Variants in SH3RF2 observed in about 807,000 individuals in gnomAD.
SH3RF2 encodes the protein SH3 domain containing ring finger 2, also known as E3 ubiquitin-protein ligase SH3RF2.
Under a neutral mutation model 59.0 loss-of-function variants are expected in SH3RF2, and 43 were observed. The ratio of observed to expected loss-of-function variants is 0.73; its 90% CI spans 0.57 to 0.94. The LOEUF (loss-of-function observed/expected upper bound fraction) is 0.94. Ranked by LOEUF, SH3RF2 falls within the 40% of genes least tolerant of loss-of-function variation. The probability of loss-of-function intolerance (pLI) is 0.00; values close to 1 mark genes in which losing one functional copy is unlikely to be tolerated. For synonymous variants in SH3RF2, 391 were observed against 391.5 expected (o/e 1.00, Z 0.01); for missense variants, 930 against 940.1 (o/e 0.99, Z 0.14).
chr5:146,069,982 G>GAAAA (rs11430700), intron 9 of SH3RF2, among the ~76,000 whole-genome samples: 3 of 143,284 alleles, frequency 2.1e-5, no homozygotes, highest in Non-Finnish European at 3.0e-5. Flanking sequence ...AATGGAAACT[G>GAAAA]AAAAAAAAAA....
chr5:145,996,770 TAAGAA>T (rs1206959892), intron 2 of SH3RF2, among the ~76,000 whole-genome samples: 1 of 152,190 alleles, frequency 6.6e-6, no homozygotes, highest in Non-Finnish European at 1.5e-5. Flanking sequence ...GGGTAGTGAT[TAAGAA>T]AAGGGGTTCC....
intron 2 of SH3RF2, among the ~76,000 whole-genome samples, chr5:145,977,431 G>A (rs1481525839): frequency 6.6e-6 from 1 of 152,220 alleles, no homozygotes; most frequent in East Asian, 1.9e-4. Flanking sequence ...ACAGTTCTAG[G>A]GGCTTTACAT....
intron 2 of SH3RF2, among the ~76,000 whole-genome samples, chr5:145,986,693 G>C (rs941612379): frequency 6.6e-6 from 1 of 152,132 alleles, no homozygotes; most frequent in Non-Finnish European, 1.5e-5. Flanking sequence ...TATTTATTGA[G>C]AACCAGCTTA....
intron 2 of SH3RF2, among the ~76,000 whole-genome samples, chr5:145,943,649 G>A (rs558455510): frequency 1.3e-5 from 2 of 152,216 alleles, no homozygotes; most frequent in East Asian, 1.9e-4. Context: ...CCCTGCAGTG[G>A]GTTCCTCCGT....
intron 2 of SH3RF2, among the ~76,000 whole-genome samples, chr5:145,956,069 C>T (rs964655867): frequency 1.3e-5 from 2 of 151,954 alleles, no homozygotes; most frequent in South Asian, 2.1e-4. Context: ...AGCTGAGGAC[C>T]CTGTTAAAAA....
intron 5 of SH3RF2, among the ~76,000 whole-genome samples, chr5:146,025,379 C>T (rs1043342832): frequency 6.6e-6 from 1 of 152,242 alleles, no homozygotes; most frequent in African/African-American, 2.4e-5. Context: ...CTTGCCACTG[C>T]CGTAGGCTGG....
intron 5 of SH3RF2, among the ~76,000 whole-genome samples, chr5:146,024,593 T>C (rs1022136391): frequency 2.0e-5 from 3 of 152,342 alleles, no homozygotes; most frequent in East Asian, 3.9e-4. Flanking sequence ...TTGTTGCTTG[T>C]GCTTTTGTTG....
chr5:145,937,255 G>A (rs1757624295), intron 1 of SH3RF2: 2 of 152,082 alleles, frequency 1.3e-5, no homozygotes, highest in South Asian at 4.1e-4. Context: ...TTTTGGAAAT[G>A]GGTTTCTAGT....
rs1168517787 is a variant in SH3RF2, at chr5:145,962,888, CTTTTTTTTTTTTT to C, written c.378+24596_378+24608del. On this transcript the variant is annotated intron_variant, in intron 2 of 9. Transcript: ENST00000359120. ...TAAGGGCAATCACTGTATTATTCCACTTTTTTTTTTTTTTTTTTTTTTTTTTAGAGACGGAGTC... is the reference window on the plus strand; with the variant it reads ...TAAGGGCAATCACTGTATTATTCCACTTTTTTTTTTTTTAGAGACGGAGTC... 3.8e-5 allele frequency among the ~76,000 whole-genome samples: 4 copies of C among 104,560 alleles called. No individual in the cohort carries two copies. The East Asian group carries it at 1.2e-3, about 31-fold the overall frequency. The allele number at this position is 104,560 out of a possible 152,430, so 68.6% of individuals were successfully genotyped here. A position where few individuals can be genotyped will look rare whatever the true frequency, so the allele number is the denominator to read the frequency against.
chr5:146,052,364 G>A (rs1264457727), intron 7 of SH3RF2, among the ~76,000 whole-genome samples: 1 of 152,048 alleles, frequency 6.6e-6, no homozygotes, highest in Non-Finnish European at 1.5e-5. Flanking sequence ...GTGTTCTTGG[G>A]CAAGTCATGA....
At chr5:145,943,191 G>C (rs1252518809) in intron 2 of SH3RF2, among the ~76,000 whole-genome samples, 1 of 151,282 alleles carries the variant, frequency 6.6e-6, no homozygotes, top group Admixed American at 6.6e-5. Context: ...TGGCACTAGA[G>C]TTCTTTGCAC....
In SH3RF2 at chr5:145,943,014, T is replaced by C. The variant is rs1459691802; in HGVS notation, c.378+4708T>C. Among the ~76,000 whole-genome samples the C allele has an allele frequency of 2.6e-5, 4 of 152,178 alleles. No homozygotes were observed. In the South Asian group the frequency reaches 8.3e-4, roughly 32 times the overall value. On this transcript the variant is annotated intron_variant, in intron 2 of 9. Transcript: ENST00000359120. ...AATAGGAATAATAAAGGCATACTTATATCATACAGCTATTGTGAGATTAAA... is the reference window on the plus strand; with the variant it reads ...AATAGGAATAATAAAGGCATACTTACATCATACAGCTATTGTGAGATTAAA...
chr5:145,955,323 C>G (rs1466581219), intron 2 of SH3RF2, among the ~76,000 whole-genome samples: 2 of 152,080 alleles, frequency 1.3e-5, no homozygotes, highest in Non-Finnish European at 2.9e-5. Context: ...AAATACTGCA[C>G]GTTCTCACCT....
intron 5 of SH3RF2, among the ~76,000 whole-genome samples, chr5:146,036,739 C>T (rs1289651626): frequency 2.0e-5 from 3 of 152,244 alleles, no homozygotes; most frequent in South Asian, 4.1e-4. Context: ...AGGAGACATT[C>T]TGTGCCCAAC....
At chr5:145,958,279 A>G (rs1015796357) in intron 2 of SH3RF2, among the ~76,000 whole-genome samples, 1 of 152,162 alleles carries the variant, frequency 6.6e-6, no homozygotes. Flanking sequence ...GAACCCTGTA[A>G]GGCTGAATCA....
At chr5:146,057,566 AT>A (rs922191714) in intron 8 of SH3RF2, among the ~76,000 whole-genome samples, 7 of 152,286 alleles carry the variant, frequency 4.6e-5, no homozygotes, top group East Asian at 1.9e-4. Flanking sequence ...TTTTTATAGT[AT>A]TTTTTTATTA....
At chr5:145,950,096 A>G (rs2149945250) in intron 2 of SH3RF2, among the ~76,000 whole-genome samples, 1 of 152,188 alleles carries the variant, frequency 6.6e-6, no homozygotes, top group Admixed American at 6.5e-5. Flanking sequence ...CATCACCTTC[A>G]TAACTACTAC....
intron 2 of SH3RF2, among the ~76,000 whole-genome samples, chr5:145,982,945 T>C (rs979517228): frequency 3.3e-5 from 5 of 152,118 alleles, no homozygotes; most frequent in African/African-American, 9.7e-5. Context: ...ATCCACCAAA[T>C]AGGCATAATA....
At chr5:145,981,245 C>G (rs1759495911) in intron 2 of SH3RF2, among the ~76,000 whole-genome samples, 1 of 152,062 alleles carries the variant, frequency 6.6e-6, no homozygotes. Flanking sequence ...CAAGCATATG[C>G]CACTACACCC....
Sources: gnomAD v4.1 joint callset for allele counts (sites outside exome capture counted in the v4.1 genomes callset) on GRCh38, gnomAD v4.1.1 for gene constraint, MANE v1.5 for transcripts, NCBI Gene and HGNC (gene_info 2026-07-23, HGNC 2026-07-21) for gene names.